The following ITPKB variants were observed in gnomAD, a reference collection of about 807,000 sequenced individuals.
ITPKB encodes the protein IP3 3-kinase B.
Under a neutral mutation model 69.4 loss-of-function variants are expected in ITPKB, and 13 were observed. The observed-to-expected ratio is 0.19, with a 90% CI of 0.12 to 0.30. The LOEUF is 0.30. ITPKB is among the 10% of genes least tolerant of loss of function. The pLI, the probability that ITPKB is intolerant of heterozygous loss-of-function variation, is 1.00. For missense variants in ITPKB, 1,240 were observed against 1,250.5 expected, an observed-to-expected ratio of 0.99 and a Z score of 0.13; for synonymous variants, 584 against 513.7, an observed-to-expected ratio of 1.14 and a Z score of -1.85.
At chr1:226,635,633 G>A (rs568117528) in intron 7 of ITPKB, among the ~76,000 whole-genome samples, 23 of 152,350 alleles carry the variant, frequency 1.5e-4, no homozygotes, top group African/African-American at 5.3e-4. Flanking sequence ...CAGTGAAGGG[G>A]AAGGTGCCCA....
At chr1:226,671,818 G>A (rs1558081285) in intron 2 of ITPKB, among the ~76,000 whole-genome samples, 1 of 152,174 alleles carries the variant, frequency 6.6e-6, no homozygotes, top group Non-Finnish European at 1.5e-5. Flanking sequence ...AGCTTCAAAG[G>A]CCAGCAGGAA....
At position 226,710,343 on chromosome 1, in the gene ITPKB, G is replaced by C. The variant is rs191476378; in HGVS notation, c.1932+25184C>G. Among the ~76,000 whole-genome samples the C allele has an allele frequency of 8.5e-5, 13 of 152,350 alleles. No homozygotes were observed. The East Asian group carries it at 2.3e-3, about 27-fold the overall frequency. ...AAGTAAGCAAGTAGGGGCCAGCTACGTAAGTTTCAGGGCCCAGTGCAAAGT... is the reference window on the plus strand; with the variant it reads ...AAGTAAGCAAGTAGGGGCCAGCTACCTAAGTTTCAGGGCCCAGTGCAAAGT... On this transcript the variant is annotated intron_variant, in intron 2 of 7. Coordinates refer to ENST00000429204, the MANE Select transcript of ITPKB (RefSeq NM_002221.4).
At chr1:226,694,741 C>T (rs1472148709) in intron 2 of ITPKB, among the ~76,000 whole-genome samples, 1 of 152,200 alleles carries the variant, frequency 6.6e-6, no homozygotes, top group Non-Finnish European at 1.5e-5. Flanking sequence ...GTGCCAGGAG[C>T]AGTACCACCC....
intron 2 of ITPKB, among the ~76,000 whole-genome samples, chr1:226,720,950 A>G (rs1016476716): frequency 1.3e-4 from 18 of 142,928 alleles, no homozygotes; most frequent in South Asian, 4.5e-4. Flanking sequence ...GCTGAGGCAG[A>G]AGAATCGCTT....
At chr1:226,716,050 AT>A (rs1224485748) in intron 2 of ITPKB, among the ~76,000 whole-genome samples, 1 of 152,212 alleles carries the variant, frequency 6.6e-6, no homozygotes, top group Non-Finnish European at 1.5e-5. Flanking sequence ...ACCTCAGGCA[AT>A]CTGCCCACCT....
intron 6 of ITPKB, 30 bp downstream of exon 6, chr1:226,639,527 A>C: frequency 3.5e-6 from 5 of 1,421,534 alleles, no homozygotes; most frequent in Non-Finnish European, 5.0e-6. Flanking sequence ...GGCTGGCTGG[A>C]GAGACCCTCT....
rs1657763785 is a variant in ITPKB, at chr1:226,736,386, G to A, written c.1073C>T (p.Pro358Leu). Residue 358 changes from proline to leucine, a missense_variant, in exon 2 of 8, where the codon CCA becomes CTA. By Grantham distance (98) the Pro-to-Leu change is moderately conservative. Around this residue, in one of 2 missense-constraint regions of ITPKB, gnomAD observed 992 missense variants for 853.8 expected, o/e 1.16. Coordinates refer to ENST00000429204, the MANE Select transcript of ITPKB (RefSeq NM_002221.4). ...QFLGSETSPA[P>L]ERGGPRDGEP... is the part of the protein sequence containing the mutation. ...TCCATCGCGGGGCCCGCCCCTTTCT[G>A]GGGCTGGGCTTGTCTCACTGCCCAG... The A allele has an allele frequency of 1.9e-6, 3 of 1,612,288 alleles. No homozygotes were observed. The highest frequency in any genetic ancestry group is 1.7e-5 in the Admixed American group (1 of 59,938).
intron 2 of ITPKB, among the ~76,000 whole-genome samples, chr1:226,677,054 C>T (rs1421059828): frequency 6.6e-6 from 1 of 152,204 alleles, no homozygotes; most frequent in African/African-American, 2.4e-5. Flanking sequence ...CCTCCCAGAG[C>T]CCAGGCTAGC....
At chr1:226,670,232 A>AGGAGGAGAG (rs1345795594) in intron 2 of ITPKB, among the ~76,000 whole-genome samples, 1 of 140,004 alleles carries the variant, frequency 7.1e-6, no homozygotes, top group Non-Finnish European at 1.5e-5. Flanking sequence ...AGTGTTGGTG[A>AGGAGGAGAG]GGAGGAGAGT....
intron 2 of ITPKB, among the ~76,000 whole-genome samples, chr1:226,714,223 G>A (rs1374879103): frequency 6.6e-6 from 1 of 152,228 alleles, no homozygotes; most frequent in Non-Finnish European, 1.5e-5. Flanking sequence ...AGCAGAAGTG[G>A]TAAGTGTTGC....
intron 2 of ITPKB, among the ~76,000 whole-genome samples, chr1:226,674,678 C>T (rs1247846924): frequency 6.6e-6 from 1 of 152,002 alleles, no homozygotes; most frequent in Non-Finnish European, 1.5e-5. Context: ...CTAAAATTAG[C>T]ACCTCTCTTT....
At chr1:226,689,608 T>C (rs1328878408) in intron 2 of ITPKB, among the ~76,000 whole-genome samples, 1 of 149,532 alleles carries the variant, frequency 6.7e-6, no homozygotes, top group Non-Finnish European at 1.5e-5. Context: ...TGTGTGTGTG[T>C]GTGTGCATGC....
At chr1:226,721,348 CAAAA>C (rs11353595) in intron 2 of ITPKB, among the ~76,000 whole-genome samples, 1 of 64,650 alleles carries the variant, frequency 1.5e-5, no homozygotes. Context: ...AACTCTGTCT[CAAAA>C]AAAAAAAAAA....
chr1:226,727,164 G>C (rs970086658), intron 2 of ITPKB, among the ~76,000 whole-genome samples: 3 of 152,136 alleles, frequency 2.0e-5, no homozygotes, highest in African/African-American at 4.8e-5. Flanking sequence ...TAACGCGTAA[G>C]AGCATTATAT....
intron 3 of ITPKB, 62 bp from the exon 4 acceptor site, chr1:226,647,442 C>A (rs1344571705): frequency 3.9e-6 from 5 of 1,270,278 alleles, no homozygotes; most frequent in Non-Finnish European, 5.6e-6. Flanking sequence ...GAGGCACCCT[C>A]CCCAGCACAG....
intron 2 of ITPKB, among the ~76,000 whole-genome samples, chr1:226,706,227 C>T (rs1656798858): frequency 6.6e-6 from 1 of 152,194 alleles, no homozygotes; most frequent in Non-Finnish European, 1.5e-5. Context: ...CGTGGTACCA[C>T]AAGTTGAACT....
chr1:226,654,035 AG>A (rs201524657), intron 2 of ITPKB, among the ~76,000 whole-genome samples: 2 of 152,280 alleles, frequency 1.3e-5, no homozygotes, highest in East Asian at 3.9e-4. Context: ...CAATTCACTC[AG>A]AGAAATGTGG....
intron 2 of ITPKB, among the ~76,000 whole-genome samples, chr1:226,659,233 G>A (rs1425563314): frequency 6.6e-6 from 1 of 152,076 alleles, no homozygotes; most frequent in East Asian, 1.9e-4. Flanking sequence ...CCTCCATCAT[G>A]GCCACTCTTC....
intron 2 of ITPKB, among the ~76,000 whole-genome samples, chr1:226,686,991 C>CTA: frequency 6.6e-6 from 1 of 152,346 alleles, no homozygotes; most frequent in Admixed American, 6.5e-5. Flanking sequence ...GGCTGGGATG[C>CTA]TATAATCTGG....
Sources: allele counts gnomAD v4.1 joint callset (sites outside exome capture counted in the v4.1 genomes callset), GRCh38; gene constraint gnomAD v4.1.1; regional missense constraint gnomAD v4.1.1; transcripts MANE v1.5; gene names NCBI Gene and HGNC (gene_info 2026-07-23, HGNC 2026-07-21).